DDR2: variants seen among roughly 807,000 people sequenced by gnomAD.
The protein encoded by DDR2 is discoidin domain receptor tyrosine kinase 2, also known as discoidin domain-containing receptor 2.
DDR2 carries 27 observed loss-of-function variants against 94.9 expected under a neutral mutation model. The ratio of observed to expected loss-of-function variants is 0.28; its 90% confidence interval spans 0.21 to 0.39. The LOEUF is 0.39. DDR2 is among the 10% of genes least tolerant of loss of function. DDR2 has a pLI of 1.00. For synonymous variants in DDR2, 382 were observed against 377.2 expected (o/e 1.01, Z -0.15); for missense variants, 783 against 1,076.0 (o/e 0.73, Z 3.81).
intron 2 of DDR2, among the ~76,000 whole-genome samples, chr1:162,693,483 G>A (rs371162127): frequency 3.7e-4 from 56 of 152,226 alleles, no homozygotes; most frequent in African/African-American, 1.0e-3. Context: ...ACAATGTGCC[G>A]GGAACTATTT....
chr1:162,749,407 A>G (rs570313567), intron 3 of DDR2, among the ~76,000 whole-genome samples: 1 of 152,360 alleles, frequency 6.6e-6, no homozygotes, highest in East Asian at 1.9e-4. Context: ...AAAATCTAGA[A>G]GAAATGGATA....
chr1:162,695,351 G>A (rs533379628), intron 2 of DDR2, among the ~76,000 whole-genome samples: 1 of 152,114 alleles, frequency 6.6e-6, no homozygotes, highest in Admixed American at 6.5e-5. Context: ...TGTGTCTCAG[G>A]CACCGAAGTA....
chr1:162,699,660 A>G (rs1660342055), intron 2 of DDR2, among the ~76,000 whole-genome samples: 2 of 152,220 alleles, frequency 1.3e-5, no homozygotes, highest in Non-Finnish European at 2.9e-5. Flanking sequence ...GAAAAAATAA[A>G]AGCAAAATAT....
chr1:162,659,236 A>T (rs1051165079), intron 2 of DDR2, among the ~76,000 whole-genome samples: 1 of 152,234 alleles, frequency 6.6e-6, no homozygotes, highest in Non-Finnish European at 1.5e-5. Flanking sequence ...AGCATGAGTC[A>T]GGACCTGACA....
chr1:162,765,410 T>G (rs967989307), intron 9 of DDR2, among the ~76,000 whole-genome samples: 2 of 152,070 alleles, frequency 1.3e-5, no homozygotes, highest in Non-Finnish European at 2.9e-5. Context: ...ATTAGACAAA[T>G]CAGAGGGAAA....
intron 2 of DDR2, among the ~76,000 whole-genome samples, chr1:162,673,348 AG>A (rs1211940944): frequency 6.6e-6 from 1 of 152,144 alleles, no homozygotes; most frequent in East Asian, 1.9e-4. Flanking sequence ...GGTCCAGGGC[AG>A]GGAAGAGCTC....
intron 3 of DDR2, among the ~76,000 whole-genome samples, chr1:162,728,210 A>T (rs1349401851): frequency 6.9e-6 from 1 of 144,274 alleles, no homozygotes; most frequent in East Asian, 2.0e-4. Context: ...ATATATCTTT[A>T]TATATATATA....
chr1:162,757,276 G>C (rs57279604), intron 7 of DDR2, among the ~76,000 whole-genome samples: 101 of 152,306 alleles, frequency 6.6e-4, no homozygotes, highest in African/African-American at 2.3e-3. Flanking sequence ...TCATTTTTCT[G>C]ACTGAAGGAC....
chr1:162,755,797 G>T, intron 7 of DDR2, 28 bp downstream of exon 7: 2 of 1,568,360 alleles, frequency 1.3e-6, no homozygotes, highest in Non-Finnish European at 1.8e-6. Context: ...TTATTAGAAT[G>T]GGAAATTGGC....
intron 2 of DDR2, among the ~76,000 whole-genome samples, chr1:162,677,208 A>G (rs1659173105): frequency 6.6e-6 from 1 of 152,030 alleles, no homozygotes; most frequent in Non-Finnish European, 1.5e-5. Context: ...TCCTCAAACT[A>G]TTGCATTTTT....
At position 162,685,853 on chromosome 1, in the gene DDR2, G is replaced by A. The variant is rs57318501; in HGVS notation, c.-28+30479G>A. The stretch of plus-strand genomic sequence containing the variant: ...GATAAGGAAACTGAAGCAGACAGAG[G>A]CTAAGTGATTTGCCCAAAGACCATA... On this transcript the variant is annotated intron_variant, in intron 2 of 17. Transcript: ENST00000367921. Among the ~76,000 whole-genome samples the A allele has an allele frequency of 1.2e-3, 190 of 152,266 alleles. 1 individual carries two copies. The highest frequency in any genetic ancestry group is 4.3e-3 in the African/African-American group (177 of 41,554).
chr1:162,693,246 G>A (rs1660036670), intron 2 of DDR2, among the ~76,000 whole-genome samples: 1 of 152,148 alleles, frequency 6.6e-6, no homozygotes, highest in Non-Finnish European at 1.5e-5. Flanking sequence ...CCTGAGTGGT[G>A]ATAACACAGG....
At chr1:162,736,387 G>T (rs1476779499) in intron 3 of DDR2, among the ~76,000 whole-genome samples, 2 of 152,186 alleles carry the variant, frequency 1.3e-5, no homozygotes, top group African/African-American at 2.4e-5. Flanking sequence ...AACCGGGAGT[G>T]GATGCGAAGT....
chr1:162,667,995 T>C (rs4657218), intron 2 of DDR2, among the ~76,000 whole-genome samples: 120,641 of 152,074 alleles, frequency 0.79, 49,603 homozygotes, highest in Middle Eastern at 0.92. Context: ...TGGAAAAATG[T>C]AAACTAATGG....
chr1:162,781,451 G>A lies in DDR2; in HGVS notation c.*1205G>A, dbSNP rs545992855. 66 of 152,340 alleles carry A rather than the reference G, an allele frequency of 4.3e-4. No individual in the cohort carries two copies. The highest frequency in any genetic ancestry group is 1.6e-3 in the African/African-American group (65 of 41,572). 9.4% of individuals were successfully genotyped at this position (152,340 alleles called of 1,614,324 possible). On this transcript the variant is annotated 3_prime_UTR_variant, in exon 18 of 18. Transcript: ENST00000367921. ...AAGGATAAATGGGCTGCCACCAGAG[G>A]TGAGGAGTCTCTTGTCACTGGAGAG... is the stretch of plus-strand genomic sequence containing the variant.
chr1:162,656,489 A>G (rs893056114), intron 2 of DDR2, among the ~76,000 whole-genome samples: 2 of 151,882 alleles, frequency 1.3e-5, no homozygotes, highest in Admixed American at 1.3e-4. Context: ...CCTGGTGGTA[A>G]TAATTCACTT....
intron 2 of DDR2, among the ~76,000 whole-genome samples, chr1:162,680,091 T>G (rs1300310233): frequency 6.6e-6 from 1 of 152,222 alleles, no homozygotes; most frequent in Non-Finnish European, 1.5e-5. Context: ...ATTCTGTAGG[T>G]TATTTACTGT....
rs942297355 is a variant in DDR2, at chr1:162,785,004, A to G, written c.*4758A>G. ...AAAGATACTATCTGGATAAAGTTCT[A>G]CAGTTTTAGAGAGACTATTAACACA... is the stretch of plus-strand genomic sequence containing the variant. On this transcript the variant is annotated 3_prime_UTR_variant, in exon 18 of 18. Coordinates refer to ENST00000367921, the MANE Select transcript of DDR2 (RefSeq NM_006182.4). 1 of 152,226 alleles carries G rather than the reference A, an allele frequency of 6.6e-6. No individual in the cohort carries two copies. Among genetic ancestry groups the G allele is most frequent in the Non-Finnish European group, 1.5e-5 (1 of 68,034 alleles). 9.4% of individuals were successfully genotyped at this position (152,226 alleles called of 1,614,324 possible). A position where few individuals can be genotyped will look rare whatever the true frequency, so the allele number is the denominator to read the frequency against.
chr1:162,654,823 A>G (rs574275437), intron 1 of DDR2, among the ~76,000 whole-genome samples: 5 of 152,320 alleles, frequency 3.3e-5, no homozygotes, highest in African/African-American at 9.6e-5. Flanking sequence ...CGATAATCCA[A>G]CTGTGTCTGG....
Sources: gnomAD v4.1 joint callset for allele counts (sites outside exome capture counted in the v4.1 genomes callset) on GRCh38, gnomAD v4.1.1 for gene constraint, MANE v1.5 for transcripts, NCBI Gene and HGNC (gene_info 2026-07-23, HGNC 2026-07-21) for gene names.